Variants in AGAP1 observed in about 807,000 individuals in gnomAD.
AGAP1 encodes the protein ArfGAP with GTPase domain, ankyrin repeat and PH domain 1, also known as arf-GAP with GTPase, ANK repeat and PH domain-containing protein 1.
AGAP1 carries 29 observed loss-of-function variants against 105.3 expected under a neutral mutation model. The ratio of observed to expected loss-of-function variants is 0.28; its 90% CI spans 0.21 to 0.38. The LOEUF is 0.38. AGAP1 is among the 10% of genes least tolerant of loss of function. The pLI is 1.00. For synonymous variants in AGAP1, 509 were observed against 485.9 expected (o/e 1.05, Z -0.63); for missense variants, 998 against 1,165.1 (o/e 0.86, Z 2.09).
At chr2:235,862,435 A>G (rs942140820) in intron 9 of AGAP1, among the ~76,000 whole-genome samples, 1 of 152,198 alleles carries the variant, frequency 6.6e-6, no homozygotes, top group Admixed American at 6.5e-5. Flanking sequence ...TCTGGAGATC[A>G]GGGCCAGATG....
chr2:235,739,871 A>C lies in AGAP1; in HGVS notation c.311-1092A>C, dbSNP rs1952472622. On this transcript the variant is annotated intron_variant, in intron 3 of 17. Coordinates refer to ENST00000304032, the MANE Select transcript of AGAP1 (RefSeq NM_001037131.3). This position sits in a 1 kb window ranked among gnomAD's most constrained non-coding sequence, Gnocchi z 5.3. ...GGTTCCCGTCGCAGGGGAGGGAATCAGACGTCGCTCTGGGCGGCAGTGGAG... is the reference window on the plus strand; with the variant it reads ...GGTTCCCGTCGCAGGGGAGGGAATCCGACGTCGCTCTGGGCGGCAGTGGAG... Among the ~76,000 whole-genome samples, 1 of 152,222 alleles carries C rather than the reference A, an allele frequency of 6.6e-6. No individual in the cohort carries two copies. Among genetic ancestry groups the C allele is most frequent in the African/African-American group, 2.4e-5 (1 of 41,464 alleles).
rs2050072089 is a variant in AGAP1 at position 235,882,415 on chromosome 2, T to C, written c.1051-930T>C. 1.3e-6 allele frequency: 2 copies of C among 1,584,560 alleles called. No homozygotes were observed. The highest frequency in any genetic ancestry group is 1.7e-6 in the Non-Finnish European group (2 of 1,156,962). On this transcript the variant is annotated intron_variant, in intron 9 of 17. Transcript: ENST00000304032. This position sits in a 1 kb window ranked among gnomAD's most constrained non-coding sequence, Gnocchi z 4.6. Reference sequence around the variant, plus strand: ...GTGGTCTCTTTGGTCGGCAGGGTGTTCTTCTCCTGCGTCTCCGTTTTCTTC... The same window carrying C: ...GTGGTCTCTTTGGTCGGCAGGGTGTCCTTCTCCTGCGTCTCCGTTTTCTTC...
At position 235,555,253 on chromosome 2, in the gene AGAP1, T is replaced by G. The variant is rs1401014682; in HGVS notation, c.163+60404T>G. On this transcript the variant is annotated intron_variant, in intron 1 of 17. Coordinates refer to ENST00000304032, the MANE Select transcript of AGAP1 (RefSeq NM_001037131.3). The surrounding 1 kb of genome is among the most constrained non-coding windows in gnomAD (Gnocchi z 5.1). ...TTGCCGCTCCCACCCACTTCTGTGA[T>G]GCACAGAACCTGCCGCCCTGCCCTG... Among the ~76,000 whole-genome samples the G allele has an allele frequency of 1.3e-5, 2 of 152,160 alleles. No homozygotes were observed. The highest frequency in any genetic ancestry group is 2.9e-5 in the Non-Finnish European group (2 of 68,008).
At chr2:235,770,990 G>C (rs1427279958) in intron 6 of AGAP1, among the ~76,000 whole-genome samples, 2 of 152,194 alleles carry the variant, frequency 1.3e-5, no homozygotes, top group Non-Finnish European at 2.9e-5. Flanking sequence ...ATAATAGGGA[G>C]GGAGAAGGGT....
chr2:236,068,724 C>T (rs1287878703), intron 16 of AGAP1, among the ~76,000 whole-genome samples: 5 of 146,692 alleles, frequency 3.4e-5, no homozygotes, highest in Admixed American at 1.4e-4. Context: ...GGCGTGAACC[C>T]GAGAGGCAGA....
intron 9 of AGAP1, among the ~76,000 whole-genome samples, chr2:235,873,066 A>AGACC (rs2049524432): frequency 1.3e-5 from 2 of 152,192 alleles, no homozygotes; most frequent in Non-Finnish European, 2.9e-5. Flanking sequence ...CTCACTGCTG[A>AGACC]GACCTATGGA....
chr2:235,767,107 C>A (rs554793126), intron 6 of AGAP1, among the ~76,000 whole-genome samples: 1 of 152,036 alleles, frequency 6.6e-6, no homozygotes, highest in African/African-American at 2.4e-5. Context: ...AATGGGATTT[C>A]GACATCTTGG....
intron 13 of AGAP1, among the ~76,000 whole-genome samples, chr2:236,004,857 G>A (rs1559182823): frequency 1.3e-5 from 2 of 152,174 alleles, no homozygotes; most frequent in South Asian, 2.1e-4. Flanking sequence ...ATATTGTGAC[G>A]AGATAATAGT....
Position 235,777,511 on chromosome 2 carries a change from C to T in AGAP1, c.674-20248C>T, listed in dbSNP as rs1955971611. 6.6e-6 allele frequency among the ~76,000 whole-genome samples: 1 copy of T among 152,242 alleles called. No homozygotes were observed. The highest frequency in any genetic ancestry group is 2.4e-5 in the African/African-American group (1 of 41,466). ...GCAGCCTTGCGTCTGCCTCTGGGAG[C>T]AGAAACCGTTGTTTCACCAGCAAAT... On this transcript the variant is annotated intron_variant, in intron 6 of 17. Transcript: ENST00000304032. The surrounding 1 kb of genome is among the most constrained non-coding windows in gnomAD (Gnocchi z 5.1).
intron 1 of AGAP1, among the ~76,000 whole-genome samples, chr2:235,634,765 T>A (rs901278431): frequency 1.3e-5 from 2 of 152,212 alleles, no homozygotes; most frequent in Admixed American, 6.5e-5. Context: ...ATTTTTTTTA[T>A]TTTGATCAAA....
chr2:235,604,203 A>G (rs1259946256), intron 1 of AGAP1, among the ~76,000 whole-genome samples: 2 of 152,156 alleles, frequency 1.3e-5, no homozygotes, highest in African/African-American at 4.8e-5. Context: ...TATAAAAAGA[A>G]TAGTGTGGCT....
intron 13 of AGAP1, among the ~76,000 whole-genome samples, chr2:235,969,265 T>C (rs1411585647): frequency 2.0e-5 from 3 of 152,116 alleles, no homozygotes; most frequent in African/African-American, 7.2e-5. Context: ...CCCTTTTTTT[T>C]TTTAATTCAT....
chr2:236,091,277 G>A (rs988676867), intron 16 of AGAP1, among the ~76,000 whole-genome samples: 1 of 152,236 alleles, frequency 6.6e-6, no homozygotes, highest in Non-Finnish European at 1.5e-5. Flanking sequence ...CCTGCCCTCT[G>A]ACACAGGGTA....
rs139445824 is a variant in AGAP1, at chr2:235,709,224, C to A, written c.209C>A (p.Pro70Gln). 6.2e-7 allele frequency: 1 copy of A among 1,614,082 alleles called. No homozygotes were observed. Among genetic ancestry groups the A allele is most frequent in the South Asian group, 1.1e-5 (1 of 91,068 alleles). Reference protein sequence around the residue: ...SQEWTLSRSVPELKVGIVGNL... With the variant: ...SQEWTLSRSVQELKVGIVGNL... ...GAATGGACGCTGAGTCGATCTGTCC[C>A]GGAGCTCAAAGTGGTGAGTGGTTCC... The change falls in exon 2 of 18, where the codon CCG becomes CAG. Residue 70 changes from proline to glutamine, a missense_variant. By Grantham distance (76) the Pro-to-Gln change is moderately conservative. Coordinates refer to ENST00000304032, the MANE Select transcript of AGAP1 (RefSeq NM_001037131.3).
intron 13 of AGAP1, among the ~76,000 whole-genome samples, chr2:236,024,097 C>G (rs1197666215): frequency 7.4e-6 from 1 of 135,544 alleles, no homozygotes; most frequent in Non-Finnish European, 1.5e-5. Flanking sequence ...GTGGTGTGAT[C>G]TTGGCTCACT....
Position 235,627,578 on chromosome 2 carries a change from G to A in AGAP1, c.164-81601G>A, listed in dbSNP as rs185363128. Among the ~76,000 whole-genome samples the A allele has an allele frequency of 1.1e-3, 167 of 152,208 alleles. 1 individual carries two copies. Among genetic ancestry groups the A allele is most frequent in the African/African-American group, 3.5e-3 (145 of 41,548 alleles). On this transcript the variant is annotated intron_variant, in intron 1 of 17. Transcript: ENST00000304032. ...GATCCCCCAGCCTCAGCGTCTGATC[G>A]TCTTGGTACCAAGTCCACTGCCCGT...
At chr2:235,514,040 C>A (rs1298081043) in intron 1 of AGAP1, among the ~76,000 whole-genome samples, 1 of 152,214 alleles carries the variant, frequency 6.6e-6, no homozygotes, top group Non-Finnish European at 1.5e-5. Context: ...GTGCGTTCCC[C>A]TGTATCTTTC....
At chr2:235,779,576 A>G (rs1388272717) in intron 6 of AGAP1, among the ~76,000 whole-genome samples, 1 of 152,158 alleles carries the variant, frequency 6.6e-6, no homozygotes, top group African/African-American at 2.4e-5. Flanking sequence ...CCAGAGCCCA[A>G]GCTGCTCCTT....
chr2:236,067,773 G>A (rs1008891131), intron 16 of AGAP1, among the ~76,000 whole-genome samples: 1 of 152,324 alleles, frequency 6.6e-6, no homozygotes. Context: ...CCGTGTTCAC[G>A]TGAGGTGAGA....
Sources: gnomAD v4.1 joint callset for allele counts (sites outside exome capture counted in the v4.1 genomes callset) on GRCh38, gnomAD v4.1.1 for gene constraint, Gnocchi (gnomAD v3.1) non-coding constraint, MANE v1.5 for transcripts, NCBI Gene and HGNC (gene_info 2026-07-23, HGNC 2026-07-21) for gene names.